NPAS3: variants seen among roughly 807,000 people sequenced by gnomAD.
NPAS3 encodes neuronal PAS domain-containing protein 3.
Under a neutral mutation model 73.1 loss-of-function variants are expected in NPAS3, and 14 were observed. That is an observed-to-expected ratio of 0.19 (90% CI 0.13 to 0.30). The LOEUF is 0.30. NPAS3 is among the 10% of genes least tolerant of loss of function. The probability of loss-of-function intolerance (pLI) is 1.00; values close to 1 mark genes in which losing one functional copy is unlikely to be tolerated. For missense variants in NPAS3, 1,096 were observed against 1,250.0 expected (o/e 0.88, Z 1.86); for synonymous variants, 620 against 541.5 (o/e 1.14, Z -2.01).
chr14:33,491,885 A>G (rs2139821401), intron 4 of NPAS3, among the ~76,000 whole-genome samples: 1 of 152,232 alleles, frequency 6.6e-6, no homozygotes, highest in Non-Finnish European at 1.5e-5. Context: ...GCTGAAATGT[A>G]CACATAGCCA....
chr14:33,123,383 T>C (rs567896206), intron 2 of NPAS3, among the ~76,000 whole-genome samples: 1 of 152,218 alleles, frequency 6.6e-6, no homozygotes, highest in East Asian at 1.9e-4. Flanking sequence ...TATTGTTCAT[T>C]ACTTGACTAG....
rs2040311270 is a variant in NPAS3 at position 33,040,354 on chromosome 14, AAG to A, written c.51-15547_51-15546del. Among the ~76,000 whole-genome samples, 7 of 152,316 alleles carry A rather than the reference AAG, an allele frequency of 4.6e-5. No homozygotes were observed. The South Asian group carries it at 1.5e-3, about 32-fold the overall frequency. On this transcript the variant is annotated intron_variant, in intron 1 of 11. Transcript: ENST00000356141. Reference sequence around the variant, plus strand: ...TGTTTTTGCCAGACTAGAAATCAAAAAGAGAACTGAAGTGCTGGGTAGGAGTG... The same window carrying A: ...TGTTTTTGCCAGACTAGAAATCAAAAAGAACTGAAGTGCTGGGTAGGAGTG...
intron 2 of NPAS3, among the ~76,000 whole-genome samples, chr14:33,075,712 C>G (rs1434178960): frequency 6.6e-6 from 1 of 152,122 alleles, no homozygotes; most frequent in Non-Finnish European, 1.5e-5. Context: ...AATTTAACTT[C>G]TTTAAAATAT....
chr14:33,384,771 A>G (rs1273479925), intron 4 of NPAS3, among the ~76,000 whole-genome samples: 2 of 152,180 alleles, frequency 1.3e-5, no homozygotes, highest in African/African-American at 4.8e-5. Flanking sequence ...TACTATTTTT[A>G]TTTAAATCTT....
chr14:33,128,301 A>G (rs10150055), intron 2 of NPAS3, among the ~76,000 whole-genome samples: 41,022 of 152,082 alleles, frequency 0.27, 5,915 homozygotes, highest in East Asian at 0.4. Flanking sequence ...CTACCAATAA[A>G]TGTATGTAGG....
At chr14:33,517,657 C>A in intron 4 of NPAS3, among the ~76,000 whole-genome samples, 1 of 152,006 alleles carries the variant, frequency 6.6e-6, no homozygotes, top group East Asian at 1.9e-4. Context: ...GTCCTTTTAG[C>A]TCCTCACTCC....
intron 4 of NPAS3, among the ~76,000 whole-genome samples, chr14:33,433,506 T>C (rs1406259821): frequency 6.6e-6 from 1 of 152,198 alleles, no homozygotes; most frequent in Non-Finnish European, 1.5e-5. Context: ...ATATGTCAAG[T>C]GGCTAGCACG....
chr14:33,553,211 A>C (rs1288947069), intron 4 of NPAS3, among the ~76,000 whole-genome samples: 2 of 152,220 alleles, frequency 1.3e-5, no homozygotes, highest in Non-Finnish European at 1.5e-5. Flanking sequence ...CCCAGAGGAA[A>C]AAGTCAGCAC....
At chr14:33,270,739 G>T (rs2041035773) in intron 3 of NPAS3, among the ~76,000 whole-genome samples, 1 of 152,266 alleles carries the variant, frequency 6.6e-6, no homozygotes, top group East Asian at 1.9e-4. Context: ...TGTGGCTTTA[G>T]CCTGTTAAGC....
chr14:33,114,118 C>G (rs1024933296), intron 2 of NPAS3, among the ~76,000 whole-genome samples: 1 of 152,206 alleles, frequency 6.6e-6, no homozygotes, highest in East Asian at 1.9e-4. Context: ...TTGCTGCAAC[C>G]TCTGCCTCCT....
chr14:33,440,571 C>T (rs749953921), intron 4 of NPAS3, among the ~76,000 whole-genome samples: 19 of 152,130 alleles, frequency 1.2e-4, no homozygotes, highest in Non-Finnish European at 2.4e-4. Flanking sequence ...AGACGTGATT[C>T]TTTTCTTACT....
At position 33,741,660 on chromosome 14, in the gene NPAS3, G is replaced by T. The variant is rs369520352; in HGVS notation, c.852+6328G>T. Reference sequence around the variant, plus strand: ...TGACAGTAGTTCCAGCTTGGGATATGTCATTTCTGCTGGGACTAATCAGCT... The same window carrying T: ...TGACAGTAGTTCCAGCTTGGGATATTTCATTTCTGCTGGGACTAATCAGCT... On this transcript the variant is annotated intron_variant, in intron 7 of 11. Transcript: ENST00000356141. 2.0e-4 allele frequency among the ~76,000 whole-genome samples: 30 copies of T among 152,234 alleles called. 1 individual carries two copies. The East Asian group carries it at 4.8e-3, about 25-fold the overall frequency.
chr14:32,994,455 A>G (rs917749409), intron 1 of NPAS3, among the ~76,000 whole-genome samples: 1 of 152,158 alleles, frequency 6.6e-6, no homozygotes, highest in Non-Finnish European at 1.5e-5. Context: ...ATTTTAGATT[A>G]GAGCCCCAAA....
chr14:33,578,897 G>A (rs963207124), intron 5 of NPAS3, among the ~76,000 whole-genome samples: 1 of 152,074 alleles, frequency 6.6e-6, no homozygotes, highest in African/African-American at 2.4e-5. Context: ...ATAATTAAAG[G>A]GAATTCAAAT....
At chr14:33,803,360 G>A (rs1003978835), downstream of NPAS3, 1 of 152,224 alleles carries the variant, frequency 6.6e-6, no homozygotes, top group African/African-American at 2.4e-5. Flanking sequence ...ACTGTGTTGA[G>A]TAGATTCCTC....
intron 3 of NPAS3, among the ~76,000 whole-genome samples, chr14:33,236,787 A>G (rs530515598): frequency 1.7e-4 from 26 of 152,210 alleles, no homozygotes; most frequent in African/African-American, 6.0e-4. Flanking sequence ...AATGTGGAAA[A>G]ATTCATATAT....
chr14:33,605,338 T>G (rs2140017198), intron 5 of NPAS3, among the ~76,000 whole-genome samples: 1 of 147,296 alleles, frequency 6.8e-6, no homozygotes, highest in South Asian at 2.1e-4. Context: ...TGACATTGCC[T>G]AGAACTTCTA....
At chr14:33,633,023 C>T (rs2058423113) in intron 5 of NPAS3, among the ~76,000 whole-genome samples, 1 of 152,092 alleles carries the variant, frequency 6.6e-6, no homozygotes, top group South Asian at 2.1e-4. Context: ...ATAAAAAAAT[C>T]CCGTAACAAT....
At position 32,952,893 on chromosome 14, in the gene NPAS3, T is replaced by C. The variant is rs1437055444; in HGVS notation, c.50+13527T>C. On this transcript the variant is annotated intron_variant, in intron 1 of 11. Coordinates refer to ENST00000356141, the Ensembl canonical transcript of NPAS3. ...TTTGAGACCAGCCTGGGCAACATGGTGAGACCATGTTTCTACAAAAAAATA... is the reference window on the plus strand; with the variant it reads ...TTTGAGACCAGCCTGGGCAACATGGCGAGACCATGTTTCTACAAAAAAATA... Among the ~76,000 whole-genome samples the C allele has an allele frequency of 6.6e-5, 10 of 151,836 alleles. No homozygotes were observed. The East Asian group carries it at 1.9e-3, about 29-fold the overall frequency.
Sources: allele counts gnomAD v4.1 joint callset (sites outside exome capture counted in the v4.1 genomes callset), GRCh38; gene constraint gnomAD v4.1.1; transcripts MANE v1.5; gene names NCBI Gene and HGNC (gene_info 2026-07-23, HGNC 2026-07-21).